The following COL7A1 variants were observed in gnomAD, a reference collection of about 807,000 sequenced individuals.
COL7A1 encodes the protein collagen alpha-1(VII) chain.
COL7A1 carries 296 observed loss-of-function variants against 456.2 expected under a neutral mutation model. The observed-to-expected ratio is 0.65, with a 90% CI of 0.59 to 0.71. The LOEUF is 0.71. Among genes scored for constraint, COL7A1 ranks in the 30% least tolerant of loss-of-function variants. The pLI is 0.00. For missense variants in COL7A1, 3,441 were observed against 4,017.2 expected, an observed-to-expected ratio of 0.86 and a Z score of 3.88; for synonymous variants, 1,464 against 1,525.9, an observed-to-expected ratio of 0.96 and a Z score of 0.95.
rs756911254 is a variant in COL7A1, at chr3:48,569,552, G to A, written c.7614+40C>T. ...GGGCCAGCCCCACGGGGTCCCTCTCGCACCCAGGGGAGACCCAGTCCACAC... is the reference window on the plus strand; with the variant it reads ...GGGCCAGCCCCACGGGGTCCCTCTCACACCCAGGGGAGACCCAGTCCACAC... On this transcript the variant is annotated intron_variant, in intron 102 of 118. Coordinates refer to ENST00000681320, the MANE Select transcript of COL7A1 (RefSeq NM_000094.4). This position sits in a 1 kb window ranked among gnomAD's most constrained non-coding sequence, Gnocchi z 4.9. 5.2e-5 allele frequency: 84 copies of A among 1,613,160 alleles called. No individual in the cohort carries two copies. The East Asian group carries it at 6.0e-4, about 12-fold the overall frequency.
rs147611409 is a variant in COL7A1, at chr3:48,579,606, A to T, written c.5217T>A (p.Pro1739=). 164 of 1,613,648 alleles carry T rather than the reference A, an allele frequency of 1.0e-4. 1 individual carries two copies. The African/African-American group carries it at 2.1e-3, about 20-fold the overall frequency. Residue 1739 remains proline, a synonymous_variant, in exon 59 of 119, where the codon CCT becomes CCA. Transcript: ENST00000681320. This position sits in a 1 kb window ranked among gnomAD's most constrained non-coding sequence, Gnocchi z 4.4. ...PRGPKGDPGL[P]GAPGERGIEG... ...CACTCACCCTTTCCCCAGGGGCTCCAGGGAGGCCAGGATCACCCTTGGGCC... is the reference window on the plus strand; with the variant it reads ...CACTCACCCTTTCCCCAGGGGCTCCTGGGAGGCCAGGATCACCCTTGGGCC...
rs749044268 is a variant in COL7A1, at chr3:48,587,387, G to A, written c.2992+33C>T. On this transcript the variant is annotated intron_variant, in intron 23 of 118. Transcript: ENST00000681320. The surrounding 1 kb of genome is among the most constrained non-coding windows in gnomAD (Gnocchi z 6.1). ...AAGCTGTCTCCACAGAGCCCCAACTGCCAGCCCACCCAAATCCTGGCCTCC... is the reference window on the plus strand; with the variant it reads ...AAGCTGTCTCCACAGAGCCCCAACTACCAGCCCACCCAAATCCTGGCCTCC... 3.1e-6 allele frequency: 5 copies of A among 1,613,060 alleles called. No homozygotes were observed. Among genetic ancestry groups the A allele is most frequent in the Non-Finnish European group, 4.2e-6 (5 of 1,179,940 alleles).
In COL7A1 at chr3:48,581,828, T is replaced by G. The variant is rs2044781553; in HGVS notation, c.4669-69A>C. On this transcript the variant is annotated intron_variant, in intron 48 of 118. Transcript: ENST00000681320. This position sits in a 1 kb window ranked among gnomAD's most constrained non-coding sequence, Gnocchi z 5.8. ...TAACCCCCTGACCCAGCAAGTCCTG[T>G]GACCCCCCAAGTCCCATAGATAGGC... is the stretch of plus-strand genomic sequence containing the variant. 1 of 1,613,528 alleles carries G rather than the reference T, an allele frequency of 6.2e-7. No homozygotes were observed. The highest frequency in any genetic ancestry group is 2.2e-5 in the East Asian group (1 of 44,878).
chr3:48,584,005 C>A (rs769054699), intron 38 of COL7A1, 30 bp downstream of exon 38: 6 of 1,613,960 alleles, frequency 3.7e-6, no homozygotes, highest in Admixed American at 1.7e-5. Flanking sequence ...GACTCCAAGC[C>A]ACCCCTAGCA....
At chr3:48,584,984 C>T (rs1213811171) in intron 33 of COL7A1, 39 bp from the exon 34 acceptor site, 4 of 1,613,550 alleles carry the variant, frequency 2.5e-6, no homozygotes, top group Non-Finnish European at 3.4e-6. Flanking sequence ...TCGGAGCCAC[C>T]CCACCCACTC....
At position 48,566,748 on chromosome 3, in the gene COL7A1, C is replaced by G; in HGVS notation, c.8227-11G>C. On this transcript the variant is annotated splice_polypyrimidine_tract_variant and intron_variant, in intron 111 of 118. Coordinates refer to ENST00000681320, the MANE Select transcript of COL7A1 (RefSeq NM_000094.4). The surrounding 1 kb of genome is among the most constrained non-coding windows in gnomAD (Gnocchi z 5.9). ...GGGACCTCGCTCACCCTGTCAGACA[C>G]AGGGACCAAGTGAGCAGGGTCAGAG... 1 of 1,613,610 alleles carries G rather than the reference C, an allele frequency of 6.2e-7. No individual in the cohort carries two copies. Among genetic ancestry groups the G allele is most frequent in the Non-Finnish European group, 8.5e-7 (1 of 1,179,942 alleles).
chr3:48,589,838 T>C (rs1277960363), intron 16 of COL7A1, 120 bp from the exon 17 acceptor site: 2 of 1,396,232 alleles, frequency 1.4e-6, no homozygotes, highest in East Asian at 2.3e-5. Flanking sequence ...AGATGGTGAA[T>C]AGGTCCAGTG....
At position 48,585,884 on chromosome 3, in the gene COL7A1, C is replaced by A; in HGVS notation, c.3760-28G>T. Reference sequence around the variant, plus strand: ...GGGGAAAGACATGTCAGATGTGGGTCAGAGTGGCTAGCCCCAGGTGCAGCC... The same window carrying A: ...GGGGAAAGACATGTCAGATGTGGGTAAGAGTGGCTAGCCCCAGGTGCAGCC... On this transcript the variant is annotated intron_variant, in intron 29 of 118. Coordinates refer to ENST00000681320, the MANE Select transcript of COL7A1 (RefSeq NM_000094.4). This position sits in a 1 kb window ranked among gnomAD's most constrained non-coding sequence, Gnocchi z 4.5. 1 of 1,614,128 alleles carries A rather than the reference C, an allele frequency of 6.2e-7. No individual in the cohort carries two copies. The highest frequency in any genetic ancestry group is 8.5e-7 in the Non-Finnish European group (1 of 1,180,020).
rs373279464 is a variant in COL7A1 at position 48,567,812 on chromosome 3, C to A, written c.7929+26G>T. ...GAGCCTTAGGCCCCAGGCCACGTAG[C>A]CCCCCAGCCCCCATCCCCTCTGTAC... On this transcript the variant is annotated intron_variant, in intron 107 of 118. Transcript: ENST00000681320. The surrounding 1 kb of genome is among the most constrained non-coding windows in gnomAD (Gnocchi z 4.3). 2 of 1,614,062 alleles carry A rather than the reference C, an allele frequency of 1.2e-6. No individual in the cohort carries two copies. The highest frequency in any genetic ancestry group is 3.3e-4 in the Middle Eastern group (2 of 6,062).
At position 48,590,817 on chromosome 3, in the gene COL7A1, C is replaced by T. The variant is rs886058642; in HGVS notation, c.1637-1G>A. 1 of 1,612,926 alleles carries T rather than the reference C, an allele frequency of 6.2e-7. No homozygotes were observed. The highest frequency in any genetic ancestry group is 8.5e-7 in the Non-Finnish European group (1 of 1,179,942). ...GGAAGCACCAGGGTCCGCTCAACCC[C>T]TAAGAGAGAAGTCAGGGTAGGTGGG... On this transcript the variant is annotated splice_acceptor_variant, in intron 13 of 118. Coordinates refer to ENST00000681320, the MANE Select transcript of COL7A1 (RefSeq NM_000094.4). LOFTEE classifies it high-confidence loss of function. The surrounding 1 kb of genome is among the most constrained non-coding windows in gnomAD (Gnocchi z 4.6).
In COL7A1 at chr3:48,585,677, G is replaced by C. The variant is rs759107598; in HGVS notation, c.3831+13C>G. The C allele has an allele frequency of 3.7e-6, 6 of 1,613,894 alleles. No homozygotes were observed. The South Asian group carries it at 6.6e-5, about 18-fold the overall frequency. ...CCAGTCAGGGTGCAGGGACAGATGT[G>C]GGGGACACTCACCGGGAGGCCAGGG... On this transcript the variant is annotated intron_variant, in intron 31 of 118. Coordinates refer to ENST00000681320, the MANE Select transcript of COL7A1 (RefSeq NM_000094.4). The surrounding 1 kb of genome is among the most constrained non-coding windows in gnomAD (Gnocchi z 4.5).
In COL7A1 at chr3:48,590,247, C is replaced by G. The variant is rs754341326; in HGVS notation, c.2016G>C (p.Glu672Asp). ...CCACGATGACTGCAGCAGGGCCCTC[C>G]TCTCTGCCTCGCAGTACCGACACAG... is the stretch of plus-strand genomic sequence containing the variant. ...QVAVSVLRGR[E>D]EGPAAVIVAR... Residue 672 changes from glutamate (E) to aspartate (D), a missense_variant, in exon 16 of 119, where the codon GAG (glutamate) becomes GAC (aspartate). Physicochemically the swap from Glu to Asp is conservative, Grantham distance 45. Around this residue, in one of 3 missense-constraint regions of COL7A1, gnomAD observed 913 missense variants for 1,088.2 expected, o/e 0.84. Coordinates refer to ENST00000681320, the MANE Select transcript of COL7A1 (RefSeq NM_000094.4). The surrounding 1 kb of genome is among the most constrained non-coding windows in gnomAD (Gnocchi z 4.6). 3.1e-6 allele frequency: 5 copies of G among 1,613,692 alleles called. No individual in the cohort carries two copies. The Admixed American group carries it at 5.0e-5, about 16-fold the overall frequency.
In COL7A1 at chr3:48,570,667, AG is replaced by A. The variant is rs1326271430; in HGVS notation, c.7315del (p.Leu2439TrpfsTer27). Reference protein sequence around the residue: ...PPGREGIPGPLGPPGPPGSVG... With the variant: ...PPGREGIPGPXGPPGPPGSVG... ...TGACCCCGGTGGTCCAGGTGGCCCC[AG>A]GGGTCCTGGGATTCCTTCTCTCCCT... On this transcript the variant is annotated frameshift_variant, in exon 96 of 119. Coordinates refer to ENST00000681320, the MANE Select transcript of COL7A1 (RefSeq NM_000094.4). LOFTEE classifies it high-confidence loss of function. This position sits in a 1 kb window ranked among gnomAD's most constrained non-coding sequence, Gnocchi z 5.5. 6.3e-7 allele frequency: 1 copy of A among 1,595,192 alleles called. No homozygotes were observed. The highest frequency in any genetic ancestry group is 1.1e-5 in the South Asian group (1 of 88,850).
intron 18 of COL7A1, 143 bp downstream of exon 18, chr3:48,589,184 G>A (rs2045513993): frequency 2.1e-6 from 3 of 1,442,916 alleles, no homozygotes; most frequent in East Asian, 4.7e-5. Context: ...CACCGTGGGT[G>A]GACACTTAAT....
rs2107639757 is a variant in COL7A1 at position 48,568,817 on chromosome 3, C to T, written c.7725G>A (p.Gly2575=). 6.3e-7 allele frequency: 1 copy of T among 1,575,914 alleles called. No homozygotes were observed. The highest frequency in any genetic ancestry group is 8.6e-7 in the Non-Finnish European group (1 of 1,159,700). The change falls in exon 104 of 119, where the codon GGG becomes GGA. Residue 2575 remains glycine, a synonymous_variant. Coordinates refer to ENST00000681320, the MANE Select transcript of COL7A1 (RefSeq NM_000094.4). The surrounding 1 kb of genome is among the most constrained non-coding windows in gnomAD (Gnocchi z 5.2). Reference sequence around the variant, plus strand: ...CCAGGAGTCCACGCAGTCCTGGCAACCCGGCTGAGCCCTTGTCACCAGGCT... The same window carrying T: ...CCAGGAGTCCACGCAGTCCTGGCAATCCGGCTGAGCCCTTGTCACCAGGCT... The part of the protein sequence containing the change: ...KGEPGDKGSA[G]LPGLRGLLGP...
chr3:48,574,633 C>G lies in COL7A1; in HGVS notation c.6393+44G>C, dbSNP rs752094824. Reference sequence around the variant, plus strand: ...ATGCACACCACCTCTAGTGTGCCCCCAGAAAGGAGGGGGACTCTATGGAAG... The same window carrying G: ...ATGCACACCACCTCTAGTGTGCCCCGAGAAAGGAGGGGGACTCTATGGAAG... On this transcript the variant is annotated intron_variant, in intron 78 of 118. Transcript: ENST00000681320. This position sits in a 1 kb window ranked among gnomAD's most constrained non-coding sequence, Gnocchi z 5.0. 68 of 1,613,880 alleles carry G rather than the reference C, an allele frequency of 4.2e-5. No homozygotes were observed. The South Asian group carries it at 7.4e-4, about 17-fold the overall frequency.
chr3:48,588,369 C>T lies in COL7A1; in HGVS notation c.2623G>A (p.Val875Met), dbSNP rs200864582. The T allele has an allele frequency of 6.8e-6, 11 of 1,612,158 alleles. No homozygotes were observed. The highest frequency in any genetic ancestry group is 4.4e-5 in the South Asian group (4 of 91,052). Reference protein sequence around the residue: ...EAPPALGTLHVVQRGEHSLRL... With the variant: ...EAPPALGTLHMVQRGEHSLRL... ...AGCGAGTGCTCCCCGCGCTGCACCACGTGAAGCGTCCCCAGGGCTGGCGGA... is the reference window on the plus strand; with the variant it reads ...AGCGAGTGCTCCCCGCGCTGCACCATGTGAAGCGTCCCCAGGGCTGGCGGA... Residue 875 changes from valine to methionine, a missense_variant, in exon 21 of 119, where the codon GTG becomes ATG. Transcript: ENST00000681320. The surrounding 1 kb of genome is among the most constrained non-coding windows in gnomAD (Gnocchi z 4.6).
Position 48,593,035 on chromosome 3 carries a change from A to G in COL7A1, c.682+67T>C, listed in dbSNP as rs890138517. 4.8e-5 allele frequency: 77 copies of G among 1,612,714 alleles called. No individual in the cohort carries two copies. Among genetic ancestry groups the G allele is most frequent in the Non-Finnish European group, 6.5e-5 (77 of 1,179,122 alleles). ...GGTCAGGAGCACATAGGATGGAATC[A>G]GCACTGCCAAGTGGGGATTGGGGTC... On this transcript the variant is annotated intron_variant, in intron 6 of 118. Transcript: ENST00000681320. The surrounding 1 kb of genome is among the most constrained non-coding windows in gnomAD (Gnocchi z 4.4).
chr3:48,592,731 C>T lies in COL7A1; in HGVS notation c.847-32G>A. ...AGGGCAAGAGGTCACTTTATCTTGC[C>T]CAGCCAAGTCCCCAGCCACCACCTA... is the stretch of plus-strand genomic sequence containing the variant. On this transcript the variant is annotated intron_variant, in intron 7 of 118. Coordinates refer to ENST00000681320, the MANE Select transcript of COL7A1 (RefSeq NM_000094.4). The surrounding 1 kb of genome is among the most constrained non-coding windows in gnomAD (Gnocchi z 7.6). 6.2e-7 allele frequency: 1 copy of T among 1,613,268 alleles called. No individual in the cohort carries two copies. The highest frequency in any genetic ancestry group is 2.2e-5 in the East Asian group (1 of 44,872).
Sources: gnomAD v4.1 joint callset for allele counts on GRCh38, gnomAD v4.1.1 for gene constraint, gnomAD v4.1.1 regional missense constraint, Gnocchi (gnomAD v3.1) non-coding constraint, MANE v1.5 for transcripts, NCBI Gene and HGNC (gene_info 2026-07-23, HGNC 2026-07-21) for gene names.